CNTNAP2: variants seen among roughly 807,000 people sequenced by gnomAD.
The protein encoded by CNTNAP2 is contactin-associated protein-like 2.
Under a neutral mutation model 155.2 loss-of-function variants are expected in CNTNAP2, and 98 were observed. The observed-to-expected ratio is 0.63, with a 90% CI of 0.54 to 0.75. CNTNAP2 has a LOEUF of 0.75. Ranked by LOEUF, CNTNAP2 falls within the 30% of genes least tolerant of loss-of-function variation. The pLI, the probability that CNTNAP2 is intolerant of heterozygous loss-of-function variation, is 0.00. For synonymous variants in CNTNAP2, 651 were observed against 631.2 expected (o/e 1.03, Z -0.47); for missense variants, 1,727 against 1,688.1 (o/e 1.02, Z -0.40).
intron 1 of CNTNAP2, among the ~76,000 whole-genome samples, chr7:146,138,431 T>A (rs1250679005): frequency 6.6e-6 from 1 of 152,140 alleles, no homozygotes. Flanking sequence ...CTATGTAGAT[T>A]TCCTAAGTTC....
At chr7:148,329,925 C>T (rs545629796) in intron 21 of CNTNAP2, among the ~76,000 whole-genome samples, 9 of 152,234 alleles carry the variant, frequency 5.9e-5, no homozygotes, top group Non-Finnish European at 1.2e-4. Context: ...CCAGTGCAGG[C>T]CCTTACCCCC....
intron 11 of CNTNAP2, among the ~76,000 whole-genome samples, chr7:147,546,464 T>C (rs1799734964): frequency 6.6e-6 from 1 of 152,304 alleles, no homozygotes; most frequent in East Asian, 1.9e-4. Context: ...GTGCTGAGTA[T>C]AGAACAATCT....
At chr7:148,328,162 A>G (rs1407548812) in intron 21 of CNTNAP2, among the ~76,000 whole-genome samples, 2 of 152,186 alleles carry the variant, frequency 1.3e-5, no homozygotes, top group Admixed American at 6.5e-5. Flanking sequence ...AGAGTCAGCC[A>G]TCGTCACTTG....
chr7:147,529,862 T>C (rs1297970077), intron 11 of CNTNAP2, among the ~76,000 whole-genome samples: 1 of 152,198 alleles, frequency 6.6e-6, no homozygotes, highest in East Asian at 1.9e-4. Flanking sequence ...ACATGAAAAA[T>C]TTATTCCAAA....
chr7:146,906,700 G>C (rs888031080), intron 3 of CNTNAP2, among the ~76,000 whole-genome samples: 1 of 152,138 alleles, frequency 6.6e-6, no homozygotes, highest in African/African-American at 2.4e-5. Flanking sequence ...CAAAGATGGG[G>C]AGAAAACAGA....
chr7:148,066,524 G>A (rs1803266694), intron 15 of CNTNAP2, among the ~76,000 whole-genome samples: 1 of 151,482 alleles, frequency 6.6e-6, no homozygotes, highest in South Asian at 2.1e-4. Flanking sequence ...TTGAGATGGA[G>A]TCTCACTCTT....
intron 10 of CNTNAP2, among the ~76,000 whole-genome samples, chr7:147,446,659 A>G (rs1338468823): frequency 6.6e-6 from 1 of 152,218 alleles, no homozygotes; most frequent in East Asian, 1.9e-4. Flanking sequence ...TGTTTACATT[A>G]TTGAATTAGA....
intron 4 of CNTNAP2, among the ~76,000 whole-genome samples, chr7:147,097,873 C>T (rs1800575100): frequency 6.6e-6 from 1 of 152,124 alleles, no homozygotes; most frequent in Non-Finnish European, 1.5e-5. Context: ...AGGGTACTGT[C>T]AATTTCATTT....
intron 1 of CNTNAP2, among the ~76,000 whole-genome samples, chr7:146,718,067 C>T (rs62481395): frequency 3.3e-5 from 5 of 152,068 alleles, no homozygotes; most frequent in Admixed American, 6.6e-5. Context: ...AATATAATAA[C>T]AATTACCATC....
intron 9 of CNTNAP2, among the ~76,000 whole-genome samples, chr7:147,357,413 A>C (rs1563173308): frequency 6.6e-6 from 1 of 152,068 alleles, no homozygotes; most frequent in Non-Finnish European, 1.5e-5. Flanking sequence ...TACTTAATAG[A>C]AGCTGTTGCT....
intron 20 of CNTNAP2, among the ~76,000 whole-genome samples, chr7:148,261,211 A>T (rs979032524): frequency 1.3e-5 from 2 of 151,690 alleles, no homozygotes; most frequent in Non-Finnish European, 2.9e-5. Context: ...CCCAGGCTGG[A>T]GTGCAGTGGC....
chr7:148,021,595 T>A (rs372753798), intron 15 of CNTNAP2, among the ~76,000 whole-genome samples: 1 of 152,174 alleles, frequency 6.6e-6, no homozygotes, highest in Non-Finnish European at 1.5e-5. Flanking sequence ...TCAACTATCA[T>A]TGGGCATCTC....
At chr7:146,443,055 C>CA (rs1378400715) in intron 1 of CNTNAP2, among the ~76,000 whole-genome samples, 21 of 149,744 alleles carry the variant, frequency 1.4e-4, no homozygotes, top group Middle Eastern at 3.4e-3. Flanking sequence ...AAAAAAAATA[C>CA]AAAAAAAAAT....
chr7:147,110,160 A>G lies in CNTNAP2; in HGVS notation c.754+1810A>G, dbSNP rs186910809. On this transcript the variant is annotated intron_variant, in intron 5 of 23. Coordinates refer to ENST00000361727, the MANE Select transcript of CNTNAP2 (RefSeq NM_014141.6). ...GGTTGTTTTCAAACTCCTGACCTCA[A>G]ATGATCCACCTGCCTTGGCCTTCCA... 1.1e-3 allele frequency among the ~76,000 whole-genome samples: 165 copies of G among 152,140 alleles called. 1 individual carries two copies. In the South Asian group the frequency reaches 0.032, roughly 30 times the overall value.
chr7:147,739,188 A>C (rs1796913163), intron 13 of CNTNAP2, among the ~76,000 whole-genome samples: 1 of 148,066 alleles, frequency 6.8e-6, no homozygotes, highest in South Asian at 2.1e-4. Context: ...TTATCAACTC[A>C]TTTCATGGGA....
At chr7:146,975,842 A>G (rs1044406229) in intron 3 of CNTNAP2, among the ~76,000 whole-genome samples, 2 of 152,210 alleles carry the variant, frequency 1.3e-5, no homozygotes, top group African/African-American at 4.8e-5. Context: ...AATAGTGTTT[A>G]AAGACATATG....
chr7:147,215,048 A>T (rs944657424), intron 8 of CNTNAP2, among the ~76,000 whole-genome samples: 1 of 152,094 alleles, frequency 6.6e-6, no homozygotes, highest in African/African-American at 2.4e-5. Context: ...AGCATGGGGG[A>T]AACTACCCCC....
intron 21 of CNTNAP2, among the ~76,000 whole-genome samples, chr7:148,326,600 C>G (rs557947129): frequency 2.6e-5 from 4 of 151,968 alleles, no homozygotes; most frequent in South Asian, 2.1e-4. Context: ...GGCATGGTGG[C>G]TCACGCCTGT....
intron 3 of CNTNAP2, among the ~76,000 whole-genome samples, chr7:146,945,250 G>A (rs944032789): frequency 2.0e-5 from 3 of 152,148 alleles, no homozygotes; most frequent in Non-Finnish European, 4.4e-5. Context: ...CCTTTAGCAC[G>A]GCACTGCCAT....
Sources: gnomAD v4.1 joint callset for allele counts (sites outside exome capture counted in the v4.1 genomes callset) on GRCh38, gnomAD v4.1.1 for gene constraint, MANE v1.5 for transcripts, NCBI Gene and HGNC (gene_info 2026-07-23, HGNC 2026-07-21) for gene names.